NCAM2: variants seen among roughly 807,000 people sequenced by gnomAD.
NCAM2 encodes N-CAM-2.
Under a neutral mutation model 98.1 loss-of-function variants are expected in NCAM2, and 30 were observed. That is an observed-to-expected ratio of 0.31 (90% CI 0.23 to 0.41). The LOEUF is 0.41. NCAM2 is among the 10% of genes least tolerant of loss of function. The probability of loss-of-function intolerance (pLI) is 1.00; values close to 1 mark genes in which losing one functional copy is unlikely to be tolerated. For missense variants in NCAM2, 867 were observed against 1,005.8 expected (o/e 0.86, Z 1.87); for synonymous variants, 368 against 342.4 (o/e 1.07, Z -0.83).
At chr21:21,428,209 A>G (rs780147111) in intron 11 of NCAM2, among the ~76,000 whole-genome samples, 1 of 152,222 alleles carries the variant, frequency 6.6e-6, no homozygotes, top group Non-Finnish European at 1.5e-5. Flanking sequence ...AATGGTATTC[A>G]TCAATTTTTG....
intron 9 of NCAM2, among the ~76,000 whole-genome samples, chr21:21,404,041 A>G (rs2076686477): frequency 6.6e-6 from 1 of 152,152 alleles, no homozygotes; most frequent in Admixed American, 6.6e-5. Context: ...GATAAAAATA[A>G]TTGATGTTGT....
At chr21:21,241,057 C>T (rs1215718933) in intron 1 of NCAM2, among the ~76,000 whole-genome samples, 3 of 152,014 alleles carry the variant, frequency 2.0e-5, no homozygotes, top group African/African-American at 7.2e-5. Context: ...TGGAAGCAAA[C>T]TATATATGGC....
chr21:21,202,935 G>T lies in NCAM2; in HGVS notation c.56-77643G>T, dbSNP rs1201839312. ...TATATTTCATCATATTTTTATCAGGGTATATCAGATATGGTTATTTGCCAC... is the reference window on the plus strand; with the variant it reads ...TATATTTCATCATATTTTTATCAGGTTATATCAGATATGGTTATTTGCCAC... On this transcript the variant is annotated intron_variant, in intron 1 of 17. Transcript: ENST00000400546. 2.0e-5 allele frequency among the ~76,000 whole-genome samples: 3 copies of T among 152,138 alleles called. No homozygotes were observed. In the East Asian group the frequency reaches 5.8e-4, roughly 29 times the overall value.
intron 1 of NCAM2, among the ~76,000 whole-genome samples, chr21:21,126,236 T>TAAAAAAAAAAAAAAAAAAAA (rs778070776): frequency 1.0e-5 from 1 of 97,568 alleles, no homozygotes; most frequent in Non-Finnish European, 1.9e-5. Flanking sequence ...TCATGGAACA[T>TAAAAAAAAAAAAAAAAAAAA]AAAAAAAAAA....
Position 21,240,290 on chromosome 21 carries a change from C to T in NCAM2, c.56-40288C>T, listed in dbSNP as rs1041005820. Among the ~76,000 whole-genome samples the T allele has an allele frequency of 1.1e-4, 16 of 151,424 alleles. 1 individual carries two copies. The highest frequency in any genetic ancestry group is 1.9e-4 in the Non-Finnish European group (13 of 67,932). On this transcript the variant is annotated intron_variant, in intron 1 of 17. Coordinates refer to ENST00000400546, the MANE Select transcript of NCAM2 (RefSeq NM_004540.5). ...TAAAAAGTAATGTGCCAAAGCATAC[C>T]ATATTTTCTCAAAATTTTATAGAGT...
At chr21:21,112,651 A>G (rs1007657703) in intron 1 of NCAM2, among the ~76,000 whole-genome samples, 1 of 152,162 alleles carries the variant, frequency 6.6e-6, no homozygotes, top group African/African-American at 2.4e-5. Flanking sequence ...TAAGAATCCT[A>G]TGAAGAGAAA....
At chr21:21,196,771 C>A (rs2069018472) in intron 1 of NCAM2, among the ~76,000 whole-genome samples, 1 of 152,186 alleles carries the variant, frequency 6.6e-6, no homozygotes, top group African/African-American at 2.4e-5. Context: ...GGATCTGTGT[C>A]TCCACCCAAA....
chr21:21,258,719 C>T (rs1319756178), intron 1 of NCAM2, among the ~76,000 whole-genome samples: 1 of 152,076 alleles, frequency 6.6e-6, no homozygotes. Context: ...CATGGTGGGC[C>T]ACTGCCCTCC....
chr21:21,345,752 A>G (rs141366354), intron 8 of NCAM2, among the ~76,000 whole-genome samples: 1 of 152,240 alleles, frequency 6.6e-6, no homozygotes, highest in Non-Finnish European at 1.5e-5. Context: ...TCAATATCTA[A>G]CCGCAGGAAA....
intron 1 of NCAM2, among the ~76,000 whole-genome samples, chr21:21,224,101 A>G (rs1052899990): frequency 6.6e-6 from 1 of 152,180 alleles, no homozygotes; most frequent in African/African-American, 2.4e-5. Flanking sequence ...ATCCAGCCAT[A>G]TAAATGTGTA....
intron 1 of NCAM2, among the ~76,000 whole-genome samples, chr21:21,249,679 T>C (rs1263311108): frequency 1.3e-5 from 1 of 77,904 alleles, no homozygotes; most frequent in Non-Finnish European, 2.4e-5. Context: ...CAATTATTTA[T>C]TTATTTATTT....
intron 1 of NCAM2, among the ~76,000 whole-genome samples, chr21:21,232,404 T>G (rs1267774860): frequency 1.3e-5 from 2 of 151,600 alleles, no homozygotes; most frequent in Non-Finnish European, 3.0e-5. Flanking sequence ...AACATTGAAT[T>G]AAATATTTTT....
At chr21:21,485,433 ATAT>A (rs1254218120) in intron 15 of NCAM2, among the ~76,000 whole-genome samples, 1 of 152,134 alleles carries the variant, frequency 6.6e-6, no homozygotes, top group African/African-American at 2.4e-5. Context: ...AGAGAAGAAA[ATAT>A]TATAGACACT....
intron 4 of NCAM2, among the ~76,000 whole-genome samples, chr21:21,287,782 A>G (rs957475374): frequency 2.0e-5 from 3 of 151,936 alleles, no homozygotes; most frequent in African/African-American, 4.8e-5. Context: ...CCAGCATCCC[A>G]GGACTAAATG....
chr21:21,012,910 A>G (rs2064236618), intron 1 of NCAM2, among the ~76,000 whole-genome samples: 1 of 152,158 alleles, frequency 6.6e-6, no homozygotes, highest in South Asian at 2.1e-4. Context: ...ATCTTAGGGT[A>G]CCTCAAAGCA....
At chr21:21,158,994 C>T (rs563737975) in intron 1 of NCAM2, among the ~76,000 whole-genome samples, 1 of 152,072 alleles carries the variant, frequency 6.6e-6, no homozygotes, top group South Asian at 2.1e-4. Flanking sequence ...TGTTATTGCC[C>T]CTGAAGACCC....
At chr21:21,394,319 G>A (rs534533523) in intron 9 of NCAM2, among the ~76,000 whole-genome samples, 3 of 151,846 alleles carry the variant, frequency 2.0e-5, no homozygotes, top group African/African-American at 4.8e-5. Flanking sequence ...CCCTTTAAAT[G>A]TGCCAAAAGA....
intron 2 of NCAM2, among the ~76,000 whole-genome samples, chr21:21,281,196 G>A (rs2072917021): frequency 6.6e-6 from 1 of 152,018 alleles, no homozygotes; most frequent in African/African-American, 2.4e-5. Context: ...TGCTAATCTA[G>A]ATCATTTATT....
intron 1 of NCAM2, among the ~76,000 whole-genome samples, chr21:21,103,285 C>T (rs962485644): frequency 6.6e-6 from 1 of 151,904 alleles, no homozygotes; most frequent in African/African-American, 2.4e-5. Flanking sequence ...CAGCAAAACC[C>T]AGATCTGGAC....
Sources: allele counts gnomAD v4.1 joint callset (sites outside exome capture counted in the v4.1 genomes callset), GRCh38; gene constraint gnomAD v4.1.1; transcripts MANE v1.5; gene names NCBI Gene and HGNC (gene_info 2026-07-23, HGNC 2026-07-21).